The following SRGAP1 variants were observed in gnomAD, a reference collection of about 807,000 sequenced individuals.
SRGAP1 encodes the protein SLIT-ROBO Rho GTPase activating protein 1, also known as SLIT-ROBO Rho GTPase-activating protein 1.
Under a neutral mutation model 121.9 loss-of-function variants are expected in SRGAP1, and 43 were observed. That is an observed-to-expected ratio of 0.35 (90% CI 0.28 to 0.46). The LOEUF (loss-of-function observed/expected upper bound fraction) is 0.46, where lower values mean the gene tolerates loss of function less well. SRGAP1 is among the 20% of genes least tolerant of loss of function. The probability of loss-of-function intolerance (pLI) is 1.00; values close to 1 mark genes in which losing one functional copy is unlikely to be tolerated. For synonymous variants in SRGAP1, 447 were observed against 485.4 expected (o/e 0.92, Z 1.04); for missense variants, 1,102 against 1,350.9 (o/e 0.82, Z 2.89).
chr12:63,932,585 GTAAA>G (rs1227389928), intron 1 of SRGAP1, among the ~76,000 whole-genome samples: 2 of 151,992 alleles, frequency 1.3e-5, no homozygotes, highest in Non-Finnish European at 2.9e-5. Flanking sequence ...ATAATAACAA[GTAAA>G]TAAAGTTTTA....
chr12:63,874,600 G>A (rs899314848), intron 1 of SRGAP1, among the ~76,000 whole-genome samples: 6 of 151,890 alleles, frequency 4.0e-5, no homozygotes, highest in Admixed American at 2.6e-4. Flanking sequence ...AGTATATACC[G>A]GAATATATTA....
intron 3 of SRGAP1, among the ~76,000 whole-genome samples, chr12:64,007,854 G>A (rs1006042288): frequency 3.3e-5 from 5 of 152,106 alleles, no homozygotes; most frequent in African/African-American, 1.2e-4. Context: ...CCTTAATATA[G>A]TACCACAAAC....
In SRGAP1 at chr12:63,870,533, A is replaced by ATTT. The variant is rs1216674448; in HGVS notation, c.67+25672_67+25674dup. Among the ~76,000 whole-genome samples, 98 of 100,800 alleles carry ATTT rather than the reference A, an allele frequency of 9.7e-4. 1 individual carries two copies. The highest frequency in any genetic ancestry group is 1.7e-3 in the Non-Finnish European group (86 of 50,794). 66.1% of individuals were successfully genotyped at this position (100,800 alleles called of 152,430 possible). A position where few individuals can be genotyped will look rare whatever the true frequency, so the allele number is the denominator to read the frequency against. On this transcript the variant is annotated intron_variant, in intron 1 of 21. Coordinates refer to ENST00000355086, the MANE Select transcript of SRGAP1 (RefSeq NM_020762.4). ...AATGAAGAGGTTCCTCCCTATCTTGATTTTTTTTTTTTTTTTTTTTTTTTG... is the reference window on the plus strand; with the variant it reads ...AATGAAGAGGTTCCTCCCTATCTTGATTTTTTTTTTTTTTTTTTTTTTTTTTTG...
At position 64,063,137 on chromosome 12, in the gene SRGAP1, A is replaced by G. The variant is rs1276443424; in HGVS notation, c.1022A>G (p.Glu341Gly). 6.2e-7 allele frequency: 1 copy of G among 1,607,964 alleles called. No homozygotes were observed. Among genetic ancestry groups the G allele is most frequent in the African/African-American group, 1.3e-5 (1 of 74,808 alleles). Reference sequence around the variant, plus strand: ...GAGTTTCAGTCTCACATGGGTGATGAGGTCAGTAATTGATCATTTTTAAAA... The same window carrying G: ...GAGTTTCAGTCTCACATGGGTGATGGGGTCAGTAATTGATCATTTTTAAAA... ...KFEFQSHMGD[E>G]VCQVSAQQPV... The change falls in exon 7 of 22, where the codon GAG becomes GGG. Residue 341 changes from glutamate (E) to glycine (G), a missense_variant and splice_region_variant. This residue lies in a region of SRGAP1 where 747 missense variants were observed against 929.4 expected (regional missense o/e 0.80). Transcript: ENST00000355086.
intron 1 of SRGAP1, among the ~76,000 whole-genome samples, chr12:63,850,412 G>A (rs966579621): frequency 7.0e-6 from 1 of 143,524 alleles, no homozygotes; most frequent in Non-Finnish European, 1.5e-5. Flanking sequence ...AGGTTTTAGA[G>A]TCTTTGTAAA....
At chr12:64,116,195 T>C (rs1228905735) in intron 18 of SRGAP1, among the ~76,000 whole-genome samples, 2 of 136,100 alleles carry the variant, frequency 1.5e-5, no homozygotes, top group Non-Finnish European at 3.0e-5. Flanking sequence ...AGTCTGAGGC[T>C]ACAGTGAACT....
chr12:63,957,652 A>G (rs1207683166), intron 1 of SRGAP1, among the ~76,000 whole-genome samples: 3 of 152,182 alleles, frequency 2.0e-5, no homozygotes, highest in Non-Finnish European at 4.4e-5. Flanking sequence ...TTGAAAAAGA[A>G]AAACCATATG....
chr12:63,949,187 T>TA (rs56895521), intron 1 of SRGAP1, among the ~76,000 whole-genome samples: 3,443 of 57,970 alleles, frequency 0.059, 294 homozygotes, highest in African/African-American at 0.2. Context: ...CCATATATAT[T>TA]TTTTTTTCCA....
chr12:64,022,168 T>C (rs990204694), intron 4 of SRGAP1, among the ~76,000 whole-genome samples: 10 of 152,140 alleles, frequency 6.6e-5, no homozygotes, highest in African/African-American at 2.4e-4. Flanking sequence ...TGTGTGTGTG[T>C]GTGTGCATGT....
chr12:63,848,754 A>G (rs760181341), intron 1 of SRGAP1, among the ~76,000 whole-genome samples: 8 of 152,162 alleles, frequency 5.3e-5, no homozygotes, highest in Non-Finnish European at 8.8e-5. Flanking sequence ...TGAAGATGTC[A>G]TATCAGTTCA....
Position 63,860,704 on chromosome 12 carries a change from A to G in SRGAP1, c.67+15821A>G, listed in dbSNP as rs542100028. Among the ~76,000 whole-genome samples the G allele has an allele frequency of 3.9e-5, 6 of 152,240 alleles. No individual in the cohort carries two copies. The South Asian group carries it at 1.2e-3, about 32-fold the overall frequency. ...TTTCATTGATTGACTTGCCAGAAGT[A>G]TGTTTATTAGTCTTTTCAAAGAACT... On this transcript the variant is annotated intron_variant, in intron 1 of 21. Coordinates refer to ENST00000355086, the MANE Select transcript of SRGAP1 (RefSeq NM_020762.4).
intron 1 of SRGAP1, among the ~76,000 whole-genome samples, chr12:63,963,272 A>G (rs2032695758): frequency 1.3e-5 from 2 of 152,268 alleles, no homozygotes; most frequent in East Asian, 1.9e-4. Context: ...TTGTATCTCC[A>G]TGGCATATTT....
At chr12:63,920,162 G>A (rs968903187) in intron 1 of SRGAP1, among the ~76,000 whole-genome samples, 4 of 152,194 alleles carry the variant, frequency 2.6e-5, no homozygotes, top group African/African-American at 7.2e-5. Context: ...TTATCAGCAC[G>A]TGGTATTATA....
At chr12:63,957,645 A>C (rs2032512587) in intron 1 of SRGAP1, among the ~76,000 whole-genome samples, 1 of 152,158 alleles carries the variant, frequency 6.6e-6, no homozygotes, top group Non-Finnish European at 1.5e-5. Flanking sequence ...TTTCATATTG[A>C]AAAAGAAAAA....
chr12:63,926,410 A>C (rs1282665301), intron 1 of SRGAP1, among the ~76,000 whole-genome samples: 1 of 152,154 alleles, frequency 6.6e-6, no homozygotes, highest in Non-Finnish European at 1.5e-5. Flanking sequence ...AGAGAGGTGA[A>C]GTTCTTTGGC....
intron 3 of SRGAP1, among the ~76,000 whole-genome samples, chr12:63,996,358 C>T (rs2033709871): frequency 6.6e-6 from 1 of 151,974 alleles, no homozygotes; most frequent in African/African-American, 2.4e-5. Context: ...AAATAGGCTA[C>T]CTCATGACTA....
chr12:64,158,436 C>T lies in SRGAP1; in HGVS notation c.*15764C>T, dbSNP rs539877049. 1 of 152,276 alleles carries T rather than the reference C, an allele frequency of 6.6e-6. No individual in the cohort carries two copies. The highest frequency in any genetic ancestry group is 1.9e-4 in the East Asian group (1 of 5,184). The allele number at this position is 152,276 out of a possible 1,614,324, so 9.4% of individuals were successfully genotyped here. ...AAAAACCAGGGATTCAAACCCAACA[C>T]ATCGGGTGCTAAAGTCTACCCTCTT... is the stretch of plus-strand genomic sequence containing the variant. On this transcript the variant is annotated 3_prime_UTR_variant, in exon 22 of 22. Transcript: ENST00000355086.
rs886149838 is a variant in SRGAP1 at position 64,026,783 on chromosome 12, T to C, written c.489+9771T>C. 3.3e-5 allele frequency among the ~76,000 whole-genome samples: 5 copies of C among 151,848 alleles called. No individual in the cohort carries two copies. The South Asian group carries it at 8.3e-4, about 25-fold the overall frequency. ...TGGAAGGCTGAGTCGGGAGAATCGC[T>C]TGAACCCAGGAGGAGGAGGTTGTGG... is the stretch of plus-strand genomic sequence containing the variant. On this transcript the variant is annotated intron_variant, in intron 4 of 21. Transcript: ENST00000355086.
intron 6 of SRGAP1, among the ~76,000 whole-genome samples, chr12:64,054,581 A>C (rs1227238123): frequency 6.6e-6 from 1 of 152,178 alleles, no homozygotes; most frequent in Admixed American, 6.5e-5. Context: ...AAGATTATGG[A>C]GAGATCATGT....
Sources: allele counts gnomAD v4.1 joint callset (sites outside exome capture counted in the v4.1 genomes callset), GRCh38; gene constraint gnomAD v4.1.1; regional missense constraint gnomAD v4.1.1; transcripts MANE v1.5; gene names NCBI Gene and HGNC (gene_info 2026-07-23, HGNC 2026-07-21).